PTPRD: variants seen among roughly 807,000 people sequenced by gnomAD.
PTPRD encodes the protein protein tyrosine phosphatase receptor type D.
A neutral mutation model predicts 214.5 loss-of-function variants in PTPRD; 34 were observed. The ratio of observed to expected loss-of-function variants is 0.16; its 90% CI spans 0.12 to 0.21. The LOEUF is 0.21. Ranked by LOEUF, PTPRD falls within the 10% of genes least tolerant of loss-of-function variation. The pLI, the probability that PTPRD is intolerant of heterozygous loss-of-function variation, is 1.00. For synonymous variants in PTPRD, 1,128 were observed against 845.7 expected (o/e 1.33, Z -5.79); for missense variants, 2,545 against 2,398.7 (o/e 1.06, Z -1.27).
chr9:9,354,121 A>G (rs1169892761), intron 9 of PTPRD, among the ~76,000 whole-genome samples: 2 of 151,512 alleles, frequency 1.3e-5, no homozygotes, highest in East Asian at 3.9e-4. Context: ...CCACACTTCA[A>G]CTCACTTTTA....
chr9:10,339,305 T>C (rs1342181622), intron 3 of PTPRD, among the ~76,000 whole-genome samples: 2 of 151,786 alleles, frequency 1.3e-5, no homozygotes, highest in African/African-American at 4.8e-5. Flanking sequence ...TTTTTCATTG[T>C]TGTTCTTTTG....
At chr9:8,812,062 G>A (rs1483574280) in intron 11 of PTPRD, among the ~76,000 whole-genome samples, 2 of 152,116 alleles carry the variant, frequency 1.3e-5, no homozygotes, top group Non-Finnish European at 2.9e-5. Flanking sequence ...AACATAAATA[G>A]CAGAGGAGCA....
At chr9:9,699,050 C>A (rs1443708947) in intron 7 of PTPRD, among the ~76,000 whole-genome samples, 3 of 152,132 alleles carry the variant, frequency 2.0e-5, no homozygotes, top group Non-Finnish European at 4.4e-5. Context: ...ATATATCCTT[C>A]TTCTACTCAT....
At chr9:8,966,762 C>T (rs1436565146) in intron 11 of PTPRD, among the ~76,000 whole-genome samples, 1 of 151,836 alleles carries the variant, frequency 6.6e-6, no homozygotes, top group African/African-American at 2.4e-5. Context: ...CAAATTAGAC[C>T]TATTGAACTA....
intron 11 of PTPRD, among the ~76,000 whole-genome samples, chr9:8,935,279 A>C (rs2098989237): frequency 2.0e-5 from 3 of 152,226 alleles, no homozygotes; most frequent in African/African-American, 7.2e-5. Flanking sequence ...AATCAGTATT[A>C]AAAATCAATT....
At chr9:8,430,184 C>G (rs2132110316) in intron 35 of PTPRD, among the ~76,000 whole-genome samples, 1 of 152,216 alleles carries the variant, frequency 6.6e-6, no homozygotes, top group Non-Finnish European at 1.5e-5. Context: ...ACCTTGAGGA[C>G]CACATTGGGA....
At chr9:8,361,490 T>G (rs2078466887) in intron 39 of PTPRD, among the ~76,000 whole-genome samples, 1 of 152,216 alleles carries the variant, frequency 6.6e-6, no homozygotes, top group Non-Finnish European at 1.5e-5. Context: ...AGGTATCAGA[T>G]TATAACAGCA....
intron 9 of PTPRD, among the ~76,000 whole-genome samples, chr9:9,254,628 G>A (rs973418632): frequency 4.6e-5 from 7 of 151,994 alleles, no homozygotes; most frequent in African/African-American, 7.2e-5. Context: ...AAGATGATTT[G>A]GAGTTGGTTC....
At chr9:9,064,381 A>G (rs2099720084) in intron 10 of PTPRD, among the ~76,000 whole-genome samples, 1 of 152,126 alleles carries the variant, frequency 6.6e-6, no homozygotes, top group Non-Finnish European at 1.5e-5. Context: ...GTTAATCTAT[A>G]GTTATATTTT....
At chr9:9,539,741 TG>T (rs1168208379) in intron 8 of PTPRD, among the ~76,000 whole-genome samples, 1 of 151,890 alleles carries the variant, frequency 6.6e-6, no homozygotes, top group Non-Finnish European at 1.5e-5. Flanking sequence ...TCTTTTAGGA[TG>T]TTAGAATGCT....
chr9:9,618,724 T>C (rs1053317742), intron 7 of PTPRD, among the ~76,000 whole-genome samples: 1 of 152,202 alleles, frequency 6.6e-6, no homozygotes, highest in Non-Finnish European at 1.5e-5. Context: ...GTATTAAATA[T>C]ATACTTCTGA....
chr9:8,948,543 T>TTATATATATATTTATATATATTTATA lies in PTPRD; in HGVS notation c.-104+70153_-104+70154insTATAAATATATATAAATATATATATA, dbSNP rs1228234537. ...TTTATATATATATTTATATATATAT[T>TTATATATATATTTATATATATTTATA]TATATATATTTATATATATTTATAT... On this transcript the variant is annotated intron_variant, in intron 11 of 45. Coordinates refer to ENST00000381196, the MANE Select transcript of PTPRD (RefSeq NM_002839.4). 9.3e-4 allele frequency among the ~76,000 whole-genome samples: 29 copies of TTATATATATATTTATATATATTTATA among 31,184 alleles called. 2 individuals are homozygous for TTATATATATATTTATATATATTTATA. Among genetic ancestry groups the TTATATATATATTTATATATATTTATA allele is most frequent in the Admixed American group, 2.5e-3 (5 of 2,034 alleles). The allele number at this position is 31,184 out of a possible 152,430, so 20.5% of individuals were successfully genotyped here.
At chr9:9,734,201 T>G (rs945338521) in intron 7 of PTPRD, among the ~76,000 whole-genome samples, 3 of 152,102 alleles carry the variant, frequency 2.0e-5, no homozygotes, top group African/African-American at 7.2e-5. Flanking sequence ...TAAAGAAAAA[T>G]TTTCCACATT....
chr9:9,490,653 A>C (rs771222783), intron 8 of PTPRD, among the ~76,000 whole-genome samples: 2 of 152,028 alleles, frequency 1.3e-5, no homozygotes, highest in Non-Finnish European at 2.9e-5. Context: ...GCTGGTATTA[A>C]GTTAAATTAG....
In PTPRD at chr9:9,754,758, T is replaced by G. The variant is rs112720957; in HGVS notation, c.-326+12052A>C. Among the ~76,000 whole-genome samples the G allele has an allele frequency of 2.5e-3, 378 of 152,206 alleles. 3 individuals are homozygous for G. The highest frequency in any genetic ancestry group is 8.7e-3 in the African/African-American group (361 of 41,572). ...AAGAAAGTTTATGTAAAGTAGATTG[T>G]TCAATTGTTTCTGCATTTAGCATGT... On this transcript the variant is annotated intron_variant, in intron 6 of 45. Transcript: ENST00000381196.
At chr9:9,929,650 A>G (rs10816243) in intron 5 of PTPRD, among the ~76,000 whole-genome samples, 1 of 151,900 alleles carries the variant, frequency 6.6e-6, no homozygotes, top group Non-Finnish European at 1.5e-5. Context: ...CCTCAGCCTC[A>G]CAAAGTGCTG....
At chr9:8,549,596 C>A (rs1353992596) in intron 14 of PTPRD, among the ~76,000 whole-genome samples, 3 of 151,954 alleles carry the variant, frequency 2.0e-5, no homozygotes, top group Admixed American at 2.0e-4. Context: ...AGATTTTAAA[C>A]ATAGAGAAAA....
chr9:9,171,551 T>C (rs1018503761), intron 10 of PTPRD, among the ~76,000 whole-genome samples: 1 of 151,844 alleles, frequency 6.6e-6, no homozygotes, highest in Admixed American at 6.6e-5. Context: ...TTGTCATAAA[T>C]GGAAAGTTTG....
intron 9 of PTPRD, among the ~76,000 whole-genome samples, chr9:9,235,398 A>C (rs4742573): frequency 0.22 from 33,657 of 151,974 alleles, 4,114 homozygotes; most frequent in Middle Eastern, 0.33. Context: ...CTGGATTATT[A>C]CCCTTTGTCC....
Sources: allele counts gnomAD v4.1 joint callset (sites outside exome capture counted in the v4.1 genomes callset), GRCh38; gene constraint gnomAD v4.1.1; transcripts MANE v1.5; gene names NCBI Gene and HGNC (gene_info 2026-07-23, HGNC 2026-07-21).